The following LNP1 variants were observed in gnomAD, a reference collection of about 807,000 sequenced individuals.
LNP1 encodes leukemia NUP98 fusion partner 1.
LNP1 carries 12 observed loss-of-function variants against 14.5 expected under a neutral mutation model. That is an observed-to-expected ratio of 0.83 (90% CI 0.53 to 1.34). LNP1 has a LOEUF of 1.34. Among genes scored for constraint, LNP1 ranks in the 40% most tolerant of loss-of-function variants. LNP1 has a pLI of 0.00. For synonymous variants in LNP1, 75 were observed against 71.4 expected (o/e 1.05, Z -0.26); for missense variants, 198 against 210.9 (o/e 0.94, Z 0.38).
At chr3:100,434,635 G>A (rs1444956476) in intron 2 of LNP1, among the ~76,000 whole-genome samples, 1 of 151,246 alleles carries the variant, frequency 6.6e-6, no homozygotes, top group Admixed American at 6.6e-5. Flanking sequence ...TTCGAGGAAT[G>A]CTCCTGCCTC....
intron 2 of LNP1, among the ~76,000 whole-genome samples, chr3:100,445,714 C>T (rs1289220168): frequency 1.3e-5 from 2 of 152,084 alleles, no homozygotes; most frequent in African/African-American, 4.8e-5. Context: ...CGTCTCAGCC[C>T]AAAATCTCCT....
chr3:100,442,600 A>G (rs576196330), intron 2 of LNP1, among the ~76,000 whole-genome samples: 54 of 152,308 alleles, frequency 3.5e-4, no homozygotes, highest in African/African-American at 1.3e-3. Context: ...TGAGTTTCTG[A>G]TTAGCCTTTC....
rs1707478431 is a variant in LNP1, at chr3:100,453,423, T to G, written c.387+1474T>G. On this transcript the variant is annotated intron_variant, in intron 3 of 3. Transcript: ENST00000383693. ...TAGTGAAATCCTGTCTCTACGAAAA[T>G]TAAAAAAAAAAAAAAAAATTACCAG... 4.8e-5 allele frequency among the ~76,000 whole-genome samples: 7 copies of G among 145,126 alleles called. No individual in the cohort carries two copies. In the South Asian group the frequency reaches 1.5e-3, roughly 31 times the overall value.
At chr3:100,432,177 C>T (rs1707249852) in intron 2 of LNP1, among the ~76,000 whole-genome samples, 1 of 150,690 alleles carries the variant, frequency 6.6e-6, no homozygotes, top group African/African-American at 2.4e-5. Flanking sequence ...GCTCTAAGGC[C>T]CTTCCCTCTC....
At chr3:100,419,791 A>G (rs891611530) in intron 1 of LNP1, among the ~76,000 whole-genome samples, 10 of 152,122 alleles carry the variant, frequency 6.6e-5, no homozygotes, top group Non-Finnish European at 1.5e-4. Context: ...TACGCAGCAT[A>G]GTTCTCTTGA....
At chr3:100,433,032 C>T (rs567459601) in intron 2 of LNP1, among the ~76,000 whole-genome samples, 3 of 152,176 alleles carry the variant, frequency 2.0e-5, no homozygotes, top group Non-Finnish European at 4.4e-5. Context: ...AAGTCTCTAC[C>T]GATGTACACC....
intron 2 of LNP1, among the ~76,000 whole-genome samples, chr3:100,435,910 G>A (rs1048861481): frequency 1.3e-5 from 2 of 152,166 alleles, no homozygotes; most frequent in Admixed American, 1.3e-4. Context: ...AGGTGAGTGA[G>A]TGTGCAGCCC....
At chr3:100,402,619 G>A (rs1455819207) in intron 1 of LNP1, among the ~76,000 whole-genome samples, 180 bp downstream of exon 1, 1 of 151,502 alleles carries the variant, frequency 6.6e-6, no homozygotes, top group East Asian at 1.9e-4. Flanking sequence ...GCTCTGCCTT[G>A]CCTTTTTCAG....
At chr3:100,430,790 G>A (rs1707235978) in intron 2 of LNP1, among the ~76,000 whole-genome samples, 1 of 152,188 alleles carries the variant, frequency 6.6e-6, no homozygotes, top group African/African-American at 2.4e-5. Context: ...ATGAAAGTGT[G>A]TAAGGCAACC....
rs539270823 is a variant in LNP1 at position 100,447,420 on chromosome 3, G to T, written c.157-4299G>T. Among the ~76,000 whole-genome samples the T allele has an allele frequency of 3.9e-5, 6 of 152,036 alleles. No homozygotes were observed. The South Asian group carries it at 1.2e-3, about 32-fold the overall frequency. Reference sequence around the variant, plus strand: ...ACAATGAGATCACTTGGACACAGTGGGGGGAACATCACATACTGGGGCCTG... The same window carrying T: ...ACAATGAGATCACTTGGACACAGTGTGGGGAACATCACATACTGGGGCCTG... On this transcript the variant is annotated intron_variant, in intron 2 of 3. Coordinates refer to ENST00000383693, the MANE Select transcript of LNP1 (RefSeq NM_001085451.2).
chr3:100,453,956 C>T (rs1312576159), intron 3 of LNP1, among the ~76,000 whole-genome samples: 2 of 152,168 alleles, frequency 1.3e-5, no homozygotes, highest in African/African-American at 4.8e-5. Flanking sequence ...GTTCATGTCC[C>T]TGTGCTCTAT....
intron 2 of LNP1, among the ~76,000 whole-genome samples, chr3:100,443,850 C>T (rs1707365370): frequency 6.6e-6 from 1 of 152,168 alleles, no homozygotes. Context: ...CAAACAGTTT[C>T]CAAATTCTGG....
intron 3 of LNP1, 59 bp from the exon 4 acceptor site, chr3:100,455,718 A>T: frequency 6.6e-7 from 1 of 1,515,532 alleles, no homozygotes; most frequent in Non-Finnish European, 9.1e-7. Flanking sequence ...ATTAAGAGAA[A>T]TGTGGAGTGT....
chr3:100,454,414 A>C (rs1383072496), intron 3 of LNP1, among the ~76,000 whole-genome samples: 1 of 152,212 alleles, frequency 6.6e-6, no homozygotes, highest in East Asian at 1.9e-4. Context: ...CCTAAGGCTA[A>C]CTACATTAGA....
intron 2 of LNP1, among the ~76,000 whole-genome samples, chr3:100,434,934 A>G (rs751966417): frequency 6.9e-6 from 1 of 145,024 alleles, no homozygotes; most frequent in Non-Finnish European, 1.5e-5. Context: ...TTAGTTTTTT[A>G]TTGTTGATCT....
At chr3:100,448,298 A>G in intron 2 of LNP1, among the ~76,000 whole-genome samples, 1 of 152,238 alleles carries the variant, frequency 6.6e-6, no homozygotes, top group East Asian at 1.9e-4. Context: ...TGAAACAAAG[A>G]CAATAACAGT....
intron 1 of LNP1, among the ~76,000 whole-genome samples, chr3:100,427,976 T>A (rs1707210099): frequency 2.0e-5 from 3 of 152,242 alleles, no homozygotes; most frequent in Admixed American, 2.0e-4. Context: ...CAAGCTTATC[T>A]TTTTGCAGCT....
At chr3:100,403,675 G>A (rs1251111564) in intron 1 of LNP1, among the ~76,000 whole-genome samples, 1 of 152,168 alleles carries the variant, frequency 6.6e-6, no homozygotes, top group Non-Finnish European at 1.5e-5. Flanking sequence ...CTGACCTCAG[G>A]TGATCTACCT....
At chr3:100,430,019 C>T in intron 2 of LNP1, 134 bp downstream of exon 2, 1 of 836,668 alleles carries the variant, frequency 1.2e-6, no homozygotes, top group Non-Finnish European at 1.8e-6. Context: ...CTTTCTCATA[C>T]CCACAGAAAT....
Sources: gnomAD v4.1 joint callset for allele counts (sites outside exome capture counted in the v4.1 genomes callset) on GRCh38, gnomAD v4.1.1 for gene constraint, MANE v1.5 for transcripts, NCBI Gene and HGNC (gene_info 2026-07-23, HGNC 2026-07-21) for gene names.